The following SPARC variants were observed in gnomAD, a reference collection of about 807,000 sequenced individuals.
SPARC encodes secreted protein acidic and cysteine rich.
In SPARC, 23 loss-of-function variants were observed where a neutral mutation model predicts 37.7. The observed-to-expected ratio is 0.61, with a 90% confidence interval of 0.44 to 0.87. The LOEUF is 0.87. SPARC is among the 40% of genes least tolerant of loss of function. The probability of loss-of-function intolerance (pLI) is 0.00; values close to 1 mark genes in which losing one functional copy is unlikely to be tolerated. For missense variants in SPARC, 312 were observed against 389.0 expected (o/e 0.80, Z 1.66); for synonymous variants, 155 against 150.8 (o/e 1.03, Z -0.20).
At chr5:151,683,968 C>T (rs1761069512) in intron 1 of SPARC, among the ~76,000 whole-genome samples, 1 of 152,210 alleles carries the variant, frequency 6.6e-6, no homozygotes, top group Non-Finnish European at 1.5e-5. Context: ...TATCTACCTA[C>T]ATAAACAACT....
intron 1 of SPARC, among the ~76,000 whole-genome samples, chr5:151,676,574 G>GT (rs1760863372): frequency 1.3e-5 from 2 of 152,086 alleles, no homozygotes; most frequent in Non-Finnish European, 1.5e-5. Context: ...GGTACACAGA[G>GT]TTTTTTCCAT....
At chr5:151,673,751 A>G (rs1760795144) in intron 3 of SPARC, among the ~76,000 whole-genome samples, 1 of 152,154 alleles carries the variant, frequency 6.6e-6, no homozygotes, top group South Asian at 2.1e-4. Flanking sequence ...CAATTTAGAC[A>G]TGTTGATTGA....
intron 2 of SPARC, among the ~76,000 whole-genome samples, chr5:151,675,289 AG>A (rs1760831638): frequency 1.3e-5 from 2 of 152,178 alleles, no homozygotes; most frequent in African/African-American, 2.4e-5. Flanking sequence ...ACAGAGGATG[AG>A]GGGATCACAG....
chr5:151,672,927 G>A, intron 4 of SPARC: 1 of 575,614 alleles, frequency 1.7e-6, no homozygotes, highest in Non-Finnish European at 3.1e-6. Flanking sequence ...GGATGGCCTG[G>A]AAACCGATCT....
At chr5:151,677,690 C>T (rs1760891114) in intron 1 of SPARC, among the ~76,000 whole-genome samples, 1 of 152,130 alleles carries the variant, frequency 6.6e-6, no homozygotes, top group Non-Finnish European at 1.5e-5. Flanking sequence ...CATATGGTCT[C>T]CTCTGGGATC....
intron 1 of SPARC, among the ~76,000 whole-genome samples, chr5:151,684,446 G>A (rs1458899872): frequency 1.4e-5 from 2 of 146,716 alleles, no homozygotes; most frequent in Admixed American, 6.8e-5. Flanking sequence ...CTTGGCCAAT[G>A]CTTTTCCTAC....
intron 1 of SPARC, chr5:151,679,385 C>A (rs10065756): frequency 0.33 from 50,602 of 152,074 alleles, 8,926 homozygotes; most frequent in African/African-American, 0.36. Context: ...CCGTGCAACC[C>A]TACCCCACCA....
chr5:151,669,564 GC>G, intron 6 of SPARC, 99 bp downstream of exon 6: 1 of 1,375,324 alleles, frequency 7.3e-7, no homozygotes, highest in Non-Finnish European at 9.9e-7. Context: ...AGAGAGATTT[GC>G]CCAAGATCAC....
At chr5:151,678,636 C>T (rs17661975) in intron 1 of SPARC, among the ~76,000 whole-genome samples, 10,798 of 152,166 alleles carry the variant, frequency 0.071, 407 homozygotes, top group South Asian at 0.13. Context: ...ACAATTCAGG[C>T]CCTCTCCAAA....
At chr5:151,668,298 A>AC (rs1760675086) in intron 6 of SPARC, among the ~76,000 whole-genome samples, 1 of 151,878 alleles carries the variant, frequency 6.6e-6, no homozygotes, top group African/African-American at 2.4e-5. Flanking sequence ...GACTACAGGC[A>AC]CATGCCACCA....
chr5:151,668,958 G>T (rs1343597831), intron 6 of SPARC, among the ~76,000 whole-genome samples: 1 of 152,146 alleles, frequency 6.6e-6, no homozygotes, highest in Non-Finnish European at 1.5e-5. Flanking sequence ...AAGACCCACA[G>T]TGTGGATGTT....
chr5:151,684,598 T>A (rs1421374490), intron 1 of SPARC, among the ~76,000 whole-genome samples: 1 of 126,274 alleles, frequency 7.9e-6, no homozygotes. Context: ...ATGATGGAGC[T>A]GCCAGGAAAA....
rs143692773 is a variant in SPARC, at chr5:151,664,109, G to A, written c.861C>T (p.Ala287=). The A allele has an allele frequency of 1.8e-3, 2,874 of 1,614,172 alleles. 53 individuals carry two copies. In the South Asian group the frequency reaches 0.03, roughly 17 times the overall value. ...CACTCTGCTTGATGCCGAAGCAGCC[G>A]GCCCACTCATCCAGGGCGATGTACT... The part of the protein sequence containing the change: ...NDKYIALDEW[A]GCFGIKQKDI... Residue 287 remains alanine (A), a synonymous_variant, in exon 9 of 10, where the codon GCC becomes GCT. Coordinates refer to ENST00000231061, the MANE Select transcript of SPARC (RefSeq NM_003118.4).
chr5:151,671,441 C>T, intron 5 of SPARC, 132 bp downstream of exon 5: 1 of 1,087,842 alleles, frequency 9.2e-7, no homozygotes, highest in Non-Finnish European at 1.3e-6. Context: ...CCTGCTGGGA[C>T]TAGGTCTAGC....
At chr5:151,664,334 G>C (rs1165980064) in intron 8 of SPARC, 99 bp from the exon 9 acceptor site, 1 of 1,123,044 alleles carries the variant, frequency 8.9e-7, no homozygotes, top group East Asian at 2.6e-5. Context: ...GAGCATGGAG[G>C]AAAGGATATT....
In SPARC at chr5:151,667,584, C is replaced by T; in HGVS notation, c.468G>A (p.Leu156=). 6.2e-7 allele frequency: 1 copy of T among 1,614,122 alleles called. No individual in the cohort carries two copies. The change falls in exon 7 of 10, where the codon CTG becomes CTA. Residue 156 remains leucine, a synonymous_variant. Coordinates refer to ENST00000231061, the MANE Select transcript of SPARC (RefSeq NM_003118.4). The part of the protein sequence containing the change: ...IGPCKYIPPC[L]DSELTEFPLR... ...GGGGGAATTCGGTCAGCTCAGAGTC[C>T]AGGCAAGGGGGGATGTCTAGGTTCC...
intron 6 of SPARC, 41 bp from the exon 7 acceptor site, chr5:151,667,641 T>C: frequency 6.3e-7 from 1 of 1,588,356 alleles, no homozygotes; most frequent in Non-Finnish European, 8.6e-7. Flanking sequence ...AGACCCTGCC[T>C]GGGCCGTGCT....
At chr5:151,672,917 G>A (rs1436989991) in intron 4 of SPARC, 1 of 565,682 alleles carries the variant, frequency 1.8e-6, no homozygotes, top group Non-Finnish European at 3.2e-6. Flanking sequence ...CCACACACAT[G>A]GATGGCCTGG....
chr5:151,686,206 G>A lies in SPARC; in HGVS notation c.-14+659C>T, dbSNP rs368908993. Among the ~76,000 whole-genome samples, 5 of 152,314 alleles carry A rather than the reference G, an allele frequency of 3.3e-5. No individual in the cohort carries two copies. The East Asian group carries it at 9.6e-4, about 29-fold the overall frequency. On this transcript the variant is annotated intron_variant, in intron 1 of 9. Transcript: ENST00000231061. ...TACCATCCCAAGGAACTCAGGACAG[G>A]AACAACACCTAACCCAAGACTGAGG... is the stretch of plus-strand genomic sequence containing the variant.
Sources: allele counts gnomAD v4.1 joint callset (sites outside exome capture counted in the v4.1 genomes callset), GRCh38; gene constraint gnomAD v4.1.1; transcripts MANE v1.5; gene names NCBI Gene and HGNC (gene_info 2026-07-23, HGNC 2026-07-21).